The following CCDC60 variants were observed in gnomAD, a reference collection of about 807,000 sequenced individuals.
CCDC60 encodes coiled-coil domain containing 60.
A neutral mutation model predicts 63.5 loss-of-function variants in CCDC60; 54 were observed. The observed-to-expected ratio is 0.85, with a 90% CI of 0.68 to 1.07. CCDC60 has a LOEUF of 1.07. Among genes scored for constraint, CCDC60 ranks in the 50% least tolerant of loss-of-function variants. The probability of loss-of-function intolerance (pLI) is 0.00; values close to 1 mark genes in which losing one functional copy is unlikely to be tolerated. For synonymous variants in CCDC60, 206 were observed against 238.8 expected (o/e 0.86, Z 1.27); for missense variants, 651 against 684.3 (o/e 0.95, Z 0.54).
At chr12:119,470,177 T>G (rs556591091) in intron 2 of CCDC60, among the ~76,000 whole-genome samples, 50 of 152,356 alleles carry the variant, frequency 3.3e-4, no homozygotes, top group African/African-American at 1.2e-3. Context: ...TGTCCCACTT[T>G]GTTCTACTGG....
chr12:119,424,151 C>A (rs535398919), intron 1 of CCDC60, among the ~76,000 whole-genome samples: 10 of 152,168 alleles, frequency 6.6e-5, no homozygotes, highest in Admixed American at 6.5e-4. Context: ...ACATATATGC[C>A]TTGTCATATG....
intron 1 of CCDC60, among the ~76,000 whole-genome samples, chr12:119,412,006 ATATT>A (rs1439166219): frequency 6.6e-6 from 1 of 152,122 alleles, no homozygotes; most frequent in African/African-American, 2.4e-5. Context: ...ACATCCTCAG[ATATT>A]TTCTAACTCC....
chr12:119,396,512 G>A (rs1956257815), intron 1 of CCDC60, among the ~76,000 whole-genome samples: 1 of 152,066 alleles, frequency 6.6e-6, no homozygotes, highest in South Asian at 2.1e-4. Context: ...TCACAACAAG[G>A]GCTTTGGTGT....
chr12:119,509,751 C>T (rs1319069550), intron 7 of CCDC60, among the ~76,000 whole-genome samples: 2 of 152,054 alleles, frequency 1.3e-5, no homozygotes, highest in African/African-American at 4.8e-5. Context: ...TTCATTTAAT[C>T]CTCACAAGAA....
At chr12:119,418,244 A>G (rs1956739960) in intron 1 of CCDC60, among the ~76,000 whole-genome samples, 1 of 152,180 alleles carries the variant, frequency 6.6e-6, no homozygotes, top group Middle Eastern at 3.4e-3. Context: ...CTTGAAAGTC[A>G]GTTACAGACA....
chr12:119,344,731 C>A (rs182934214), intron 1 of CCDC60, among the ~76,000 whole-genome samples: 84 of 152,120 alleles, frequency 5.5e-4, no homozygotes, highest in African/African-American at 2.0e-3. Context: ...GTTCTTCAGC[C>A]TCATCTTTCT....
At chr12:119,408,408 A>C (rs1047191562) in intron 1 of CCDC60, among the ~76,000 whole-genome samples, 1 of 152,216 alleles carries the variant, frequency 6.6e-6, no homozygotes, top group African/African-American at 2.4e-5. Context: ...AAGACTCAAC[A>C]GGGAGACGGC....
intron 8 of CCDC60, among the ~76,000 whole-genome samples, chr12:119,519,430 T>C (rs796293138): frequency 0.11 from 14,122 of 131,586 alleles, 823 homozygotes; most frequent in East Asian, 0.21. Context: ...TGTGTGTGTG[T>C]GTGTGCGCGT....
At chr12:119,490,572 T>G (rs759151448) in intron 5 of CCDC60, among the ~76,000 whole-genome samples, 9 of 152,110 alleles carry the variant, frequency 5.9e-5, no homozygotes, top group Non-Finnish European at 1.3e-4. Context: ...TTCTTCTTTT[T>G]TTTTTTAAAG....
intron 2 of CCDC60, among the ~76,000 whole-genome samples, chr12:119,443,824 G>T (rs750241165): frequency 6.6e-6 from 1 of 152,154 alleles, no homozygotes; most frequent in Non-Finnish European, 1.5e-5. Context: ...GTATGGATGA[G>T]TTACCTAATC....
intron 2 of CCDC60, among the ~76,000 whole-genome samples, chr12:119,429,248 C>A (rs1047902745): frequency 1.1e-4 from 16 of 151,840 alleles, no homozygotes; most frequent in African/African-American, 3.4e-4. Context: ...ATAAAGTGTC[C>A]CTCATATGGC....
intron 11 of CCDC60, among the ~76,000 whole-genome samples, chr12:119,528,242 C>G (rs1402396320): frequency 6.6e-6 from 1 of 152,062 alleles, no homozygotes; most frequent in Non-Finnish European, 1.5e-5. Flanking sequence ...TTAACACCTA[C>G]TGTGTGTCTG....
At chr12:119,360,008 C>T (rs1233748930) in intron 1 of CCDC60, among the ~76,000 whole-genome samples, 1 of 152,152 alleles carries the variant, frequency 6.6e-6, no homozygotes, top group African/African-American at 2.4e-5. Flanking sequence ...TTCCACAAAG[C>T]CGCCATTGTC....
chr12:119,538,456 G>A (rs1391803651), intron 13 of CCDC60, among the ~76,000 whole-genome samples: 1 of 152,182 alleles, frequency 6.6e-6, no homozygotes. Flanking sequence ...AGATGAACCA[G>A]GTACCTCAGT....
chr12:119,395,645 G>A (rs1956238571), intron 1 of CCDC60, among the ~76,000 whole-genome samples: 1 of 152,152 alleles, frequency 6.6e-6, no homozygotes, highest in African/African-American at 2.4e-5. Flanking sequence ...TATCAGCACG[G>A]TAATGAGTTT....
intron 1 of CCDC60, among the ~76,000 whole-genome samples, chr12:119,355,178 C>G (rs930796363): frequency 6.6e-6 from 1 of 152,274 alleles, no homozygotes. Context: ...CTTGGTCTCC[C>G]TGAGAGAGGG....
chr12:119,377,664 A>C (rs1341115545), intron 1 of CCDC60, among the ~76,000 whole-genome samples: 3 of 152,192 alleles, frequency 2.0e-5, no homozygotes, highest in African/African-American at 7.2e-5. Context: ...TCCCACTTCT[A>C]CGCACAACTA....
intron 7 of CCDC60, among the ~76,000 whole-genome samples, chr12:119,507,569 TGTATATATACAC>T (rs1405527238): frequency 0.029 from 1,673 of 57,374 alleles, 72 homozygotes; most frequent in East Asian, 0.09. Context: ...TATATATATA[TGTATATATACAC>T]ATATATATAC....
intron 2 of CCDC60, among the ~76,000 whole-genome samples, chr12:119,446,466 C>T (rs1192040041): frequency 6.6e-6 from 1 of 152,146 alleles, no homozygotes; most frequent in Admixed American, 6.5e-5. Flanking sequence ...AGTACAATGT[C>T]AATGATGCCC....
Sources: allele counts gnomAD v4.1 joint callset (sites outside exome capture counted in the v4.1 genomes callset), GRCh38; gene constraint gnomAD v4.1.1; transcripts MANE v1.5; gene names NCBI Gene and HGNC (gene_info 2026-07-23, HGNC 2026-07-21).